The following ASH2L variants were observed in gnomAD, a reference collection of about 807,000 sequenced individuals.
ASH2L encodes the protein ASH2 like, histone lysine methyltransferase complex subunit.
ASH2L carries 30 observed loss-of-function variants against 81.1 expected under a neutral mutation model. The ratio of observed to expected loss-of-function variants is 0.37; its 90% confidence interval spans 0.28 to 0.50. The LOEUF (loss-of-function observed/expected upper bound fraction) is 0.50, where lower values mean the gene tolerates loss of function less well. Ranked by LOEUF, ASH2L falls within the 20% of genes least tolerant of loss-of-function variation. The pLI is 0.95. For synonymous variants in ASH2L, 273 were observed against 279.9 expected, an observed-to-expected ratio of 0.98 and a Z score of 0.24; for missense variants, 559 against 792.1, an observed-to-expected ratio of 0.71 and a Z score of 3.53.
At chr8:38,109,625 C>T (rs538383080) in intron 3 of ASH2L, among the ~76,000 whole-genome samples, 2 of 152,330 alleles carry the variant, frequency 1.3e-5, no homozygotes, top group South Asian at 4.1e-4. Flanking sequence ...CCCCTCCTGG[C>T]CTCTTCCTCT....
At chr8:38,109,788 C>T (rs1810607067) in intron 3 of ASH2L, among the ~76,000 whole-genome samples, 1 of 152,082 alleles carries the variant, frequency 6.6e-6, no homozygotes, top group Admixed American at 6.6e-5. Context: ...CTGCCCTTTC[C>T]AACCACATTA....
intron 12 of ASH2L, 144 bp downstream of exon 12, chr8:38,129,095 A>G: frequency 7.8e-7 from 1 of 1,286,330 alleles, no homozygotes; most frequent in Non-Finnish European, 1.1e-6. Context: ...TCAGAATAAC[A>G]GTAACAATCG....
At chr8:38,129,677 TTTAAC>T (rs1343201719) in intron 12 of ASH2L, among the ~76,000 whole-genome samples, 2 of 152,198 alleles carry the variant, frequency 1.3e-5, no homozygotes, top group Non-Finnish European at 2.9e-5. Context: ...CAACCACTGT[TTTAAC>T]TTTCTTTCCC....
chr8:38,130,288 G>GT (rs562730116), intron 12 of ASH2L, among the ~76,000 whole-genome samples: 1,580 of 53,572 alleles, frequency 0.029, 32 homozygotes, highest in African/African-American at 0.07. Flanking sequence ...GGTATTTTTT[G>GT]TTTTTTTTTT....
rs776762494 is a variant in ASH2L at position 38,133,549 on chromosome 8, G to A, written c.1620+3G>A. On this transcript the variant is annotated splice_donor_region_variant and intron_variant, in intron 13 of 15. Coordinates refer to ENST00000343823, the MANE Select transcript of ASH2L (RefSeq NM_004674.5). ...TGAAGCAGACTCCCCATAGTGAGGTGAGTCATGGCCATAAGAACATTAGAA... is the reference window on the plus strand; with the variant it reads ...TGAAGCAGACTCCCCATAGTGAGGTAAGTCATGGCCATAAGAACATTAGAA... 1.9e-6 allele frequency: 3 copies of A among 1,601,418 alleles called. No individual in the cohort carries two copies. The East Asian group carries it at 6.7e-5, about 36-fold the overall frequency.
chr8:38,106,978 C>T (rs749648022), intron 2 of ASH2L, 43 bp from the exon 3 acceptor site: 3 of 1,609,512 alleles, frequency 1.9e-6, no homozygotes, highest in Non-Finnish European at 2.5e-6. Context: ...AAGTAAAATA[C>T]ATTCAAGTCA....
At chr8:38,123,832 T>C (rs1038023259) in intron 10 of ASH2L, among the ~76,000 whole-genome samples, 1 of 152,174 alleles carries the variant, frequency 6.6e-6, no homozygotes, top group Non-Finnish European at 1.5e-5. Flanking sequence ...TTCTTTTATC[T>C]CCCTTTTTTG....
chr8:38,114,788 A>G, intron 6 of ASH2L, 117 bp from the exon 7 acceptor site: 1 of 650,120 alleles, frequency 1.5e-6, no homozygotes, highest in Non-Finnish European at 2.7e-6. Flanking sequence ...GAAAAACGAT[A>G]CTATCTTTTT....
intron 12 of ASH2L, among the ~76,000 whole-genome samples, chr8:38,130,327 A>G (rs988753860): frequency 4.4e-5 from 6 of 136,238 alleles, no homozygotes; most frequent in African/African-American, 1.7e-4. Context: ...GCTGGTCTTG[A>G]ACTACTGGGC....
chr8:38,110,359 A>G lies in ASH2L; in HGVS notation c.402-20A>G. ...TGTGTTCACAAGTTCACTAATTCGTATAATTTGGCTCTTCGGCAGATCCTG... is the reference window on the plus strand; with the variant it reads ...TGTGTTCACAAGTTCACTAATTCGTGTAATTTGGCTCTTCGGCAGATCCTG... On this transcript the variant is annotated intron_variant, in intron 3 of 15. Coordinates refer to ENST00000343823, the MANE Select transcript of ASH2L (RefSeq NM_004674.5). The G allele has an allele frequency of 2.5e-6, 4 of 1,585,286 alleles. No homozygotes were observed. Among genetic ancestry groups the G allele is most frequent in the South Asian group, 1.1e-5 (1 of 90,452 alleles).
At chr8:38,117,475 T>G in intron 8 of ASH2L, 1 of 985,290 alleles carries the variant, frequency 1.0e-6, no homozygotes, top group Non-Finnish European at 1.2e-6. Context: ...TGGAGGTGAA[T>G]TCCTCCACTG....
intron 8 of ASH2L, chr8:38,117,545 C>T (rs1810957334): frequency 1.1e-6 from 1 of 877,710 alleles, no homozygotes; most frequent in Admixed American, 6.2e-5. Flanking sequence ...TTTTGCTGAG[C>T]TATGGTAGAA....
chr8:38,136,016 C>G (rs929111726), intron 14 of ASH2L, among the ~76,000 whole-genome samples: 1 of 151,028 alleles, frequency 6.6e-6, no homozygotes, highest in African/African-American at 2.4e-5. Flanking sequence ...TGTTACCGTT[C>G]AGTAGGAAGG....
intron 3 of ASH2L, among the ~76,000 whole-genome samples, chr8:38,107,611 G>A (rs1810497581): frequency 6.6e-6 from 1 of 151,694 alleles, no homozygotes; most frequent in African/African-American, 2.4e-5. Context: ...ACTCCTTTAG[G>A]TATATTGTCT....
rs1010457785 is a variant in ASH2L, at chr8:38,110,567, A to G, written c.490+100A>G. 5 of 1,281,262 alleles carry G rather than the reference A, an allele frequency of 3.9e-6. No individual in the cohort carries two copies. The East Asian group carries it at 7.0e-5, about 18-fold the overall frequency. 79.4% of individuals were successfully genotyped at this position (1,281,262 alleles called of 1,614,324 possible). A position where few individuals can be genotyped will look rare whatever the true frequency, so the allele number is the denominator to read the frequency against. On this transcript the variant is annotated intron_variant, in intron 4 of 15. Transcript: ENST00000343823. ...AGGAGACCTTTGCCTAGTAGCTGGTATAAATTCAGTTGGGGTTTAGCTCTG... is the reference window on the plus strand; with the variant it reads ...AGGAGACCTTTGCCTAGTAGCTGGTGTAAATTCAGTTGGGGTTTAGCTCTG...
In ASH2L at chr8:38,105,725, G is replaced by A. The variant is rs1316118279; in HGVS notation, c.175G>A (p.Glu59Lys). 2.0e-6 allele frequency: 3 copies of A among 1,526,702 alleles called. No homozygotes were observed. The highest frequency in any genetic ancestry group is 2.6e-6 in the Non-Finnish European group (3 of 1,140,168). The allele number at this position is 1,526,702 out of a possible 1,614,324, so 94.6% of individuals were successfully genotyped here. A position where few individuals can be genotyped will look rare whatever the true frequency, so the allele number is the denominator to read the frequency against. The change falls in exon 1 of 16, where the codon GAG (glutamate) becomes AAG (lysine). Residue 59 changes from glutamate to lysine, a missense_variant. This residue lies in a region of ASH2L where 145 missense variants were observed against 115.5 expected (regional missense o/e 1.26). Transcript: ENST00000343823. ...TCCGACAGTTGAGCCCAGTTCCGGG[G>A]AGGCTGAAGGCGGGTAAGAGGTCCT... ...AAPTVEPSSG[E>K]AEGGEANLVD...
At chr8:38,111,196 G>T (rs1426626088) in intron 5 of ASH2L, among the ~76,000 whole-genome samples, 1 of 152,152 alleles carries the variant, frequency 6.6e-6, no homozygotes, top group Non-Finnish European at 1.5e-5. Flanking sequence ...CTCCCAAAGT[G>T]CTGGGATTAC....
chr8:38,119,388 C>A (rs1327320382), intron 9 of ASH2L, 25 bp downstream of exon 9: 7 of 1,482,610 alleles, frequency 4.7e-6, no homozygotes, highest in Non-Finnish European at 5.4e-6. Context: ...CACCCTGCCC[C>A]CCTCACTATT....
At chr8:38,135,052 T>TA (rs779445510) in intron 13 of ASH2L, among the ~76,000 whole-genome samples, 1,939 of 145,310 alleles carry the variant, frequency 0.013, 48 homozygotes, top group African/African-American at 0.045. Context: ...CAGCTTACTT[T>TA]AAAAAAAAAA....
Sources: allele counts gnomAD v4.1 joint callset (sites outside exome capture counted in the v4.1 genomes callset), GRCh38; gene constraint gnomAD v4.1.1; regional missense constraint gnomAD v4.1.1; transcripts MANE v1.5; gene names NCBI Gene and HGNC (gene_info 2026-07-23, HGNC 2026-07-21).